NSRP1: variants seen among roughly 807,000 people sequenced by gnomAD.
The protein encoded by NSRP1 is nuclear speckle splicing regulatory protein 1.
NSRP1 carries 24 observed loss-of-function variants against 54.7 expected under a neutral mutation model. The ratio of observed to expected loss-of-function variants is 0.44; its 90% confidence interval spans 0.32 to 0.62. The LOEUF (loss-of-function observed/expected upper bound fraction) is 0.62. Among genes scored for constraint, NSRP1 ranks in the 20% least tolerant of loss-of-function variants. The probability of loss-of-function intolerance (pLI) is 0.06; values close to 1 mark genes in which losing one functional copy is unlikely to be tolerated. For missense variants in NSRP1, 596 were observed against 651.2 expected (o/e 0.92, Z 0.92); for synonymous variants, 210 against 213.8 (o/e 0.98, Z 0.15).
At position 30,184,846 on chromosome 17, in the gene NSRP1, C is replaced by T; in HGVS notation, c.849C>T (p.His283=). 1 of 1,614,080 alleles carries T rather than the reference C, an allele frequency of 6.2e-7. No homozygotes were observed. The highest frequency in any genetic ancestry group is 8.5e-7 in the Non-Finnish European group (1 of 1,180,028). ...IETPENDFKH[H]RSQNHSRSPS... ...CCCCTGAGAATGACTTCAAGCACCA[C>T]AGGAGTCAAAACCACTCTCGGTCAC... Residue 283 remains histidine, a synonymous_variant, in exon 7 of 7, where the codon CAC becomes CAT. Transcript: ENST00000247026.
chr17:30,133,587 A>G (rs2071721861), intron 2 of NSRP1, among the ~76,000 whole-genome samples: 1 of 152,200 alleles, frequency 6.6e-6, no homozygotes, highest in Admixed American at 6.5e-5. Flanking sequence ...ATTGTCAATG[A>G]GAGTCAGCCT....
In NSRP1 at chr17:30,185,773, A is replaced by G; in HGVS notation, c.*99A>G. The G allele has an allele frequency of 1.5e-6, 2 of 1,300,444 alleles. No homozygotes were observed. The highest frequency in any genetic ancestry group is 2.6e-5 in the Admixed American group (1 of 38,506). 80.6% of individuals were successfully genotyped at this position (1,300,444 alleles called of 1,614,324 possible). A position where few individuals can be genotyped will look rare whatever the true frequency, so the allele number is the denominator to read the frequency against. On this transcript the variant is annotated 3_prime_UTR_variant, in exon 7 of 7. Coordinates refer to ENST00000247026, the MANE Select transcript of NSRP1 (RefSeq NM_032141.4). ...AAGGAGTGTGTTACCAGTAGTTTGGAGGGCATTTTTAAATTTATTTTCAAA... is the reference window on the plus strand; with the variant it reads ...AAGGAGTGTGTTACCAGTAGTTTGGGGGGCATTTTTAAATTTATTTTCAAA...
chr17:30,117,720 A>G (rs1209107792), intron 1 of NSRP1, among the ~76,000 whole-genome samples: 1 of 151,908 alleles, frequency 6.6e-6, no homozygotes, highest in Non-Finnish European at 1.5e-5. Context: ...AGCATTTTAA[A>G]ATCTTTAGTG....
chr17:30,131,818 G>A (rs919167180), intron 2 of NSRP1, among the ~76,000 whole-genome samples: 5 of 152,146 alleles, frequency 3.3e-5, no homozygotes, highest in African/African-American at 1.2e-4. Flanking sequence ...TTTACCCACA[G>A]TAGAACTTTA....
chr17:30,171,964 A>T (rs1336895249), intron 2 of NSRP1, among the ~76,000 whole-genome samples: 11 of 132,738 alleles, frequency 8.3e-5, no homozygotes, highest in African/African-American at 2.5e-4. Flanking sequence ...ACACACACAC[A>T]CACACACACT....
intron 2 of NSRP1, among the ~76,000 whole-genome samples, chr17:30,119,423 G>A (rs915435033): frequency 1.8e-4 from 27 of 152,140 alleles, no homozygotes; most frequent in African/African-American, 6.5e-4. Context: ...ATGTTGGCCA[G>A]GCTGGTCTTG....
chr17:30,148,787 C>T (rs1198637455), intron 2 of NSRP1, among the ~76,000 whole-genome samples: 1 of 152,104 alleles, frequency 6.6e-6, no homozygotes, highest in Non-Finnish European at 1.5e-5. Flanking sequence ...TCTGTTCTGC[C>T]CAGGTTTTCA....
intron 2 of NSRP1, among the ~76,000 whole-genome samples, chr17:30,172,157 A>G (rs1904974364): frequency 6.6e-6 from 1 of 152,146 alleles, no homozygotes; most frequent in South Asian, 2.1e-4. Context: ...AGGATTTACA[A>G]TGCAAATTCA....
intron 3 of NSRP1, 139 bp from the exon 4 acceptor site, chr17:30,177,932 A>T: frequency 9.7e-7 from 1 of 1,029,806 alleles, no homozygotes; most frequent in South Asian, 1.4e-5. Context: ...TCCAGAGTTT[A>T]TTTGTATTTC....
chr17:30,140,105 T>TA (rs1304732458), intron 2 of NSRP1, among the ~76,000 whole-genome samples: 1 of 152,226 alleles, frequency 6.6e-6, no homozygotes, highest in Non-Finnish European at 1.5e-5. Flanking sequence ...ACATGTAATA[T>TA]TATAATTGAA....
At chr17:30,118,808 C>G (rs1422320088) in intron 2 of NSRP1, among the ~76,000 whole-genome samples, 2 of 150,154 alleles carry the variant, frequency 1.3e-5, no homozygotes, top group Non-Finnish European at 3.0e-5. Flanking sequence ...GAGTGCAATG[C>G]CGCGATCTCG....
In NSRP1 at chr17:30,118,172, A is replaced by G; in HGVS notation, c.113A>G (p.Glu38Gly). ...VFGNDSDDDD[E>G]TSVSESLQRE... ...GGGAATGATTCTGATGATGATGATG[A>G]GGTAAGGAAACCTATGTTTTACTCG... is the stretch of plus-strand genomic sequence containing the variant. The change falls in exon 2 of 7, where the codon GAG becomes GGG. Residue 38 changes from glutamate to glycine, a missense_variant and splice_region_variant. Coordinates refer to ENST00000247026, the MANE Select transcript of NSRP1 (RefSeq NM_032141.4). The G allele has an allele frequency of 6.2e-7, 1 of 1,611,838 alleles. No individual in the cohort carries two copies.
chr17:30,146,260 A>G (rs1004802986), intron 2 of NSRP1, among the ~76,000 whole-genome samples: 1 of 152,188 alleles, frequency 6.6e-6, no homozygotes, highest in African/African-American at 2.4e-5. Context: ...TTATTGTTAT[A>G]TAGATAAAGT....
chr17:30,155,041 C>G (rs1421870842), intron 2 of NSRP1, among the ~76,000 whole-genome samples: 1 of 152,054 alleles, frequency 6.6e-6, no homozygotes, highest in East Asian at 1.9e-4. Flanking sequence ...GTTCAAAGTG[C>G]TTTCCATCAG....
At chr17:30,174,786 A>G (rs780455620) in intron 3 of NSRP1, among the ~76,000 whole-genome samples, 15 of 152,226 alleles carry the variant, frequency 9.9e-5, no homozygotes, top group Non-Finnish European at 1.8e-4. Context: ...TAGAAAATCA[A>G]TCATTGTAAC....
intron 2 of NSRP1, among the ~76,000 whole-genome samples, chr17:30,131,376 G>A (rs1459247158): frequency 6.6e-6 from 1 of 151,964 alleles, no homozygotes; most frequent in Non-Finnish European, 1.5e-5. Flanking sequence ...GGAAATGATA[G>A]TTCAAAGATA....
intron 2 of NSRP1, among the ~76,000 whole-genome samples, chr17:30,118,726 C>T (rs542203490): frequency 1.8e-4 from 28 of 151,918 alleles, no homozygotes; most frequent in African/African-American, 6.8e-4. Context: ...AGAAACAATC[C>T]CAAATGTGTG....
intron 2 of NSRP1, chr17:30,156,770 C>G (rs977341237): frequency 8.5e-5 from 13 of 152,262 alleles, no homozygotes; most frequent in African/African-American, 3.1e-4. Context: ...CTGCCTGCCT[C>G]GGCCTCCCAA....
In NSRP1 at chr17:30,162,086, G is replaced by T. The variant is rs185581001; in HGVS notation, c.115-10456G>T. The stretch of plus-strand genomic sequence containing the variant: ...ACCCAGGCTGGAGTGCAGTGGCGCA[G>T]TCTCAGCTCACTACAACCTCCTCCA... On this transcript the variant is annotated intron_variant, in intron 2 of 6. Coordinates refer to ENST00000247026, the MANE Select transcript of NSRP1 (RefSeq NM_032141.4). Among the ~76,000 whole-genome samples the T allele has an allele frequency of 6.1e-3, 904 of 149,292 alleles. 4 individuals are homozygous for T. The highest frequency in any genetic ancestry group is 0.021 in the African/African-American group (870 of 40,488).
Sources: allele counts gnomAD v4.1 joint callset (sites outside exome capture counted in the v4.1 genomes callset), GRCh38; gene constraint gnomAD v4.1.1; transcripts MANE v1.5; gene names NCBI Gene and HGNC (gene_info 2026-07-23, HGNC 2026-07-21).